The following IFT74 variants were observed in gnomAD, a reference collection of about 807,000 sequenced individuals.
IFT74 encodes the protein intraflagellar transport 74.
A neutral mutation model predicts 96.7 loss-of-function variants in IFT74; 92 were observed. The observed-to-expected ratio is 0.95, with a 90% confidence interval of 0.80 to 1.13. The LOEUF (loss-of-function observed/expected upper bound fraction) is 1.13, where lower values mean the gene tolerates loss of function less well. Ranked by LOEUF, IFT74 falls within the 50% of genes most tolerant of loss-of-function variation. The probability of loss-of-function intolerance (pLI) is 0.00; values close to 1 mark genes in which losing one functional copy is unlikely to be tolerated. For missense variants in IFT74, 811 were observed against 698.2 expected (o/e 1.16, Z -1.82); for synonymous variants, 223 against 213.2 (o/e 1.05, Z -0.40).
intron 10 of IFT74, 114 bp downstream of exon 10, chr9:27,012,082 G>T: frequency 1.7e-6 from 1 of 589,584 alleles, no homozygotes; most frequent in Non-Finnish European, 2.8e-6. Context: ...CTTACTAATA[G>T]GAGTTTAATA....
At chr9:26,999,686 GAC>G in intron 8 of IFT74, 1 of 1,606,168 alleles carries the variant, frequency 6.2e-7, no homozygotes, top group South Asian at 1.1e-5. Context: ...TGATGCCTGT[GAC>G]TTTCATGTTG....
chr9:27,036,271 A>G, intron 13 of IFT74, among the ~76,000 whole-genome samples: 1 of 152,300 alleles, frequency 6.6e-6, no homozygotes, highest in Middle Eastern at 3.4e-3. Flanking sequence ...TAGACCCACC[A>G]AGTTCAAACC....
At chr9:26,987,080 C>T (rs749854261) in intron 6 of IFT74, among the ~76,000 whole-genome samples, 8 of 151,946 alleles carry the variant, frequency 5.3e-5, no homozygotes, top group Non-Finnish European at 7.4e-5. Flanking sequence ...GATGGAGTCT[C>T]GCTCTGTCAT....
chr9:26,998,015 T>C lies in IFT74; in HGVS notation c.587+7820T>C, dbSNP rs541374548. 8.7e-6 allele frequency: 14 copies of C among 1,613,894 alleles called. No homozygotes were observed. The South Asian group carries it at 9.9e-5, about 11-fold the overall frequency. ...TACATAGATGGAGTTTCTACAGATA[T>C]TTAAAATTTCTAGACTGGAGAGGTT... On this transcript the variant is annotated intron_variant, in intron 8 of 19. Transcript: ENST00000380062.
rs751893169 is a variant in IFT74 at position 27,040,544 on chromosome 9, C to CAAAAAAA, written c.1055-4181_1055-4175dup. Among the ~76,000 whole-genome samples, 575 of 62,064 alleles carry CAAAAAAA rather than the reference C, an allele frequency of 9.3e-3. 10 individuals are homozygous for CAAAAAAA. The highest frequency in any genetic ancestry group is 0.015 in the Non-Finnish European group (466 of 30,232). The allele number at this position is 62,064 out of a possible 152,430, so 40.7% of individuals were successfully genotyped here. On this transcript the variant is annotated intron_variant, in intron 13 of 19. Transcript: ENST00000380062. ...TGGGCAACAGAACGAGACACTGTCT[C>CAAAAAAA]AAAAAAAAAAAAAAAAAAAAAAAGA... is the stretch of plus-strand genomic sequence containing the variant.
intron 16 of IFT74, among the ~76,000 whole-genome samples, chr9:27,052,405 G>T (rs1263389656): frequency 2.0e-5 from 3 of 151,798 alleles, no homozygotes; most frequent in South Asian, 2.1e-4. Context: ...CTACTCAGGA[G>T]GCTGAGGCCG....
At chr9:26,986,783 T>C (rs1345385688) in intron 6 of IFT74, among the ~76,000 whole-genome samples, 1 of 151,960 alleles carries the variant, frequency 6.6e-6, no homozygotes, top group Admixed American at 6.6e-5. Flanking sequence ...CCAGCATGCC[T>C]GGCTAATTTT....
intron 6 of IFT74, among the ~76,000 whole-genome samples, chr9:26,988,199 G>A (rs532128895): frequency 8.5e-5 from 13 of 152,150 alleles, no homozygotes; most frequent in African/African-American, 2.9e-4. Flanking sequence ...TGATCCGCCC[G>A]CGTCAGCCTC....
chr9:27,060,070 G>T lies in IFT74; in HGVS notation c.1624-521G>T, dbSNP rs16910971. 9.5e-3 allele frequency among the ~76,000 whole-genome samples: 1,444 copies of T among 152,294 alleles called. 17 individuals are homozygous for T. The highest frequency in any genetic ancestry group is 0.033 in the African/African-American group (1,358 of 41,568). On this transcript the variant is annotated intron_variant, in intron 18 of 19. Coordinates refer to ENST00000380062, the MANE Select transcript of IFT74 (RefSeq NM_025103.4). ...GCTTCCTGTTGATGCAGAAATTATT[G>T]TAACAGTGCCAGCTTTTTACCAGCT...
intron 13 of IFT74, among the ~76,000 whole-genome samples, chr9:27,043,572 A>G (rs1819565805): frequency 6.6e-6 from 1 of 152,178 alleles, no homozygotes; most frequent in African/African-American, 2.4e-5. Flanking sequence ...GGCAGAATTC[A>G]TTCATTTTTC....
intron 2 of IFT74, among the ~76,000 whole-genome samples, chr9:26,974,872 T>C (rs990330238): frequency 1.3e-5 from 2 of 152,150 alleles, no homozygotes; most frequent in Admixed American, 6.5e-5. Flanking sequence ...CAAGGGAATA[T>C]TTACAAAGCC....
chr9:26,972,870 G>A (rs546086594), intron 2 of IFT74, among the ~76,000 whole-genome samples: 11 of 152,172 alleles, frequency 7.2e-5, no homozygotes, highest in Non-Finnish European at 1.6e-4. Context: ...CAAACTGTTG[G>A]TGGTTAAGAA....
chr9:27,001,120 C>T (rs900331658), intron 8 of IFT74, among the ~76,000 whole-genome samples: 3 of 151,890 alleles, frequency 2.0e-5, no homozygotes, highest in Non-Finnish European at 2.9e-5. Flanking sequence ...TTTTTGTTGC[C>T]GCAAATGACA....
At chr9:26,987,938 G>T (rs962718949) in intron 6 of IFT74, among the ~76,000 whole-genome samples, 11 of 151,724 alleles carry the variant, frequency 7.3e-5, no homozygotes, top group Non-Finnish European at 1.3e-4. Flanking sequence ...GTGTAAATTT[G>T]TTTTTTGTTG....
intron 8 of IFT74, chr9:26,997,776 T>G (rs1173309225): frequency 6.2e-7 from 1 of 1,613,020 alleles, no homozygotes; most frequent in Non-Finnish European, 8.5e-7. Flanking sequence ...TTAAATAGAC[T>G]GCAAGAGCAG....
intron 12 of IFT74, among the ~76,000 whole-genome samples, chr9:27,024,193 A>G (rs1184754487): frequency 1.3e-5 from 2 of 152,222 alleles, no homozygotes; most frequent in Non-Finnish European, 2.9e-5. Flanking sequence ...CTTCACTGCC[A>G]GCATAACCAG....
chr9:27,042,954 G>GTA (rs1048005550), intron 13 of IFT74, among the ~76,000 whole-genome samples: 1 of 152,148 alleles, frequency 6.6e-6, no homozygotes, highest in African/African-American at 2.4e-5. Context: ...ACAAATGTGT[G>GTA]TATATATATA....
At chr9:27,043,261 A>G (rs1479523867) in intron 13 of IFT74, among the ~76,000 whole-genome samples, 7 of 152,224 alleles carry the variant, frequency 4.6e-5, no homozygotes, top group Non-Finnish European at 8.8e-5. Context: ...AAGCCTTAAC[A>G]TAAGATTTTC....
chr9:26,957,928 T>G (rs558575677), intron 1 of IFT74, among the ~76,000 whole-genome samples: 2 of 152,008 alleles, frequency 1.3e-5, no homozygotes, highest in African/African-American at 4.8e-5. Flanking sequence ...TTTTTTTTTG[T>G]ATTTTTAGTA....
Sources: gnomAD v4.1 joint callset for allele counts (sites outside exome capture counted in the v4.1 genomes callset) on GRCh38, gnomAD v4.1.1 for gene constraint, MANE v1.5 for transcripts, NCBI Gene and HGNC (gene_info 2026-07-23, HGNC 2026-07-21) for gene names.